The following MCMDC2 variants were observed in gnomAD, a reference collection of about 807,000 sequenced individuals.
MCMDC2 encodes the protein minichromosome maintenance domain containing 2.
Under a neutral mutation model 75.8 loss-of-function variants are expected in MCMDC2, and 54 were observed. That is an observed-to-expected ratio of 0.71 (90% confidence interval 0.57 to 0.89). The LOEUF (loss-of-function observed/expected upper bound fraction) is 0.89, where lower values mean the gene tolerates loss of function less well. Among genes scored for constraint, MCMDC2 ranks in the 40% least tolerant of loss-of-function variants. The pLI is 0.00. For missense variants in MCMDC2, 656 were observed against 780.4 expected (o/e 0.84, Z 1.90); for synonymous variants, 249 against 274.6 (o/e 0.91, Z 0.92).
At chr8:66,901,704 G>A in intron 13 of MCMDC2, 1 of 896,132 alleles carries the variant, frequency 1.1e-6, no homozygotes, top group South Asian at 4.7e-5. Context: ...GTCCGAGAGG[G>A]CAGATTGCCT....
intron 12 of MCMDC2, among the ~76,000 whole-genome samples, chr8:66,897,353 G>A (rs1276276182): frequency 6.6e-6 from 1 of 150,874 alleles, no homozygotes; most frequent in Admixed American, 6.6e-5. Context: ...GTTGCAGTGA[G>A]CCGAGATCGC....
downstream of MCMDC2, chr8:66,925,513 C>T (rs568002354): frequency 6.5e-6 from 1 of 152,818 alleles, no homozygotes; most frequent in South Asian, 2.0e-4. Context: ...CTTCGCGCTT[C>T]TTCCTCCCTC....
At chr8:66,877,059 C>G (rs1418927896) in intron 4 of MCMDC2, among the ~76,000 whole-genome samples, 1 of 151,996 alleles carries the variant, frequency 6.6e-6, no homozygotes, top group African/African-American at 2.4e-5. Flanking sequence ...GTGCCCGGCC[C>G]TGGTTGACAT....
chr8:66,871,882 C>T (rs1811036425), intron 1 of MCMDC2, among the ~76,000 whole-genome samples: 1 of 149,572 alleles, frequency 6.7e-6, no homozygotes, highest in Admixed American at 6.6e-5. Flanking sequence ...ACCTGGGCAA[C>T]ATAGTGAGAC....
intron 4 of MCMDC2, 111 bp downstream of exon 4, chr8:66,874,697 C>A: frequency 1.1e-6 from 1 of 942,476 alleles, no homozygotes; most frequent in South Asian, 1.8e-5. Context: ...TACTTTTTTT[C>A]AAAATTCAAT....
chr8:66,923,500 T>G (rs1813624422), downstream of MCMDC2, among the ~76,000 whole-genome samples: 1 of 152,208 alleles, frequency 6.6e-6, no homozygotes, highest in Admixed American at 6.5e-5. Flanking sequence ...CTACTGGTTT[T>G]GAATAATTCA....
intron 1 of MCMDC2, among the ~76,000 whole-genome samples, chr8:66,872,972 A>C (rs891614670): frequency 4.6e-5 from 7 of 151,644 alleles, no homozygotes; most frequent in Admixed American, 1.3e-4. Context: ...AAAAAAAAAA[A>C]AAAAAAACAA....
At chr8:66,889,761 A>T (rs927581491) in intron 9 of MCMDC2, among the ~76,000 whole-genome samples, 1 of 152,056 alleles carries the variant, frequency 6.6e-6, no homozygotes, top group Non-Finnish European at 1.5e-5. Context: ...GCTCCATTGC[A>T]CTCCAGCCTA....
chr8:66,891,345 G>A (rs535527470), intron 10 of MCMDC2, among the ~76,000 whole-genome samples: 56 of 152,298 alleles, frequency 3.7e-4, no homozygotes, highest in African/African-American at 1.3e-3. Flanking sequence ...ACCACTTCCA[G>A]TATAAAGTTG....
downstream of MCMDC2, among the ~76,000 whole-genome samples, chr8:66,923,972 C>T (rs557585141): frequency 6.6e-6 from 1 of 151,970 alleles, no homozygotes; most frequent in Non-Finnish European, 1.5e-5. Flanking sequence ...GCACAAAATT[C>T]CAAATGGTGG....
rs1354013689 is a variant in MCMDC2 at position 66,890,865 on chromosome 8, G to A, written c.1074G>A (p.Arg358=). The A allele has an allele frequency of 5.0e-6, 8 of 1,594,664 alleles. No homozygotes were observed. The highest frequency in any genetic ancestry group is 6.8e-6 in the Non-Finnish European group (8 of 1,174,916). ...IITSDTLLID[R]LLNFSINLVP... ...TGAAAAGTTTATTTTTTTTCCCTAG[G>A]CTTCTGAATTTTAGCATAAACCTTG... is the stretch of plus-strand genomic sequence containing the variant. Residue 358 remains arginine (R), a splice_region_variant and synonymous_variant, in exon 10 of 15, where the codon AGG becomes AGA. Coordinates refer to ENST00000422365, the MANE Select transcript of MCMDC2 (RefSeq NM_173518.5).
intron 7 of MCMDC2, among the ~76,000 whole-genome samples, chr8:66,880,127 G>C (rs752735956): frequency 2.0e-5 from 3 of 152,206 alleles, no homozygotes; most frequent in Non-Finnish European, 4.4e-5. Context: ...GGTAGACTTT[G>C]AGGGTAGGCA....
chr8:66,887,343 C>T (rs563853425), intron 9 of MCMDC2, among the ~76,000 whole-genome samples: 6 of 149,154 alleles, frequency 4.0e-5, no homozygotes, highest in Admixed American at 3.4e-4. Flanking sequence ...AGTTCGAGGC[C>T]GGCTGGCCAA....
At chr8:66,894,501 G>A (rs2130830745) in intron 10 of MCMDC2, among the ~76,000 whole-genome samples, 1 of 152,286 alleles carries the variant, frequency 6.6e-6, no homozygotes, top group African/African-American at 2.4e-5. Flanking sequence ...TGCATATCAA[G>A]AAGTAAAATA....
At chr8:66,899,634 T>C (rs1025597690) in intron 12 of MCMDC2, among the ~76,000 whole-genome samples, 22 of 151,830 alleles carry the variant, frequency 1.4e-4, no homozygotes, top group African/African-American at 4.1e-4. Flanking sequence ...CAGCTGGGAC[T>C]ACAGGTGCCC....
At chr8:66,904,770 G>A (rs1414848463) in intron 13 of MCMDC2, among the ~76,000 whole-genome samples, 1 of 152,134 alleles carries the variant, frequency 6.6e-6, no homozygotes, top group East Asian at 1.9e-4. Context: ...AGCCCAGGAT[G>A]TTGTAGAGGA....
At chr8:66,918,936 A>G in intron 14 of MCMDC2, 67 bp from the exon 15 acceptor site, 1 of 1,250,652 alleles carries the variant, frequency 8.0e-7, no homozygotes, top group Middle Eastern at 2.0e-4. Flanking sequence ...TTGGTTGAAA[A>G]TGTGATTTCA....
At chr8:66,881,915 G>C (rs1277808633) in intron 8 of MCMDC2, among the ~76,000 whole-genome samples, 2 of 152,186 alleles carry the variant, frequency 1.3e-5, no homozygotes, top group Non-Finnish European at 2.9e-5. Context: ...ATCTTGAATA[G>C]AGTTGGATTT....
intron 10 of MCMDC2, 130 bp downstream of exon 10, chr8:66,891,200 T>A: frequency 1.2e-6 from 1 of 852,418 alleles, no homozygotes; most frequent in Non-Finnish European, 1.7e-6. Context: ...TGGCATTTCT[T>A]ATTTTGGTTT....
Sources: allele counts gnomAD v4.1 joint callset (sites outside exome capture counted in the v4.1 genomes callset), GRCh38; gene constraint gnomAD v4.1.1; transcripts MANE v1.5; gene names NCBI Gene and HGNC (gene_info 2026-07-23, HGNC 2026-07-21).